LURAP1L: variants seen among roughly 807,000 people sequenced by gnomAD.
The protein encoded by LURAP1L is leucine rich adaptor protein 1 like.
A neutral mutation model predicts 13.8 loss-of-function variants in LURAP1L; 12 were observed. That is an observed-to-expected ratio of 0.87 (90% CI 0.56 to 1.41). The LOEUF is 1.41. Ranked by LOEUF, LURAP1L falls within the 40% of genes most tolerant of loss-of-function variation. The pLI is 0.00. For missense variants in LURAP1L, 375 were observed against 292.9 expected, an observed-to-expected ratio of 1.28 and a Z score of -2.04; for synonymous variants, 139 against 119.2, an observed-to-expected ratio of 1.17 and a Z score of -1.08.
intron 1 of LURAP1L, among the ~76,000 whole-genome samples, chr9:12,801,208 A>C (rs564496212): frequency 5.3e-5 from 8 of 152,164 alleles, no homozygotes; most frequent in African/African-American, 1.7e-4. Flanking sequence ...ACATGGCACC[A>C]TTCATCCAAG....
At chr9:12,785,390 C>A (rs998323316) in intron 1 of LURAP1L, among the ~76,000 whole-genome samples, 1 of 152,058 alleles carries the variant, frequency 6.6e-6, no homozygotes, top group Non-Finnish European at 1.5e-5. Context: ...TCCTGTACAC[C>A]CTAAGTCTAC....
At chr9:12,788,395 A>G (rs985785810) in intron 1 of LURAP1L, among the ~76,000 whole-genome samples, 21 of 152,238 alleles carry the variant, frequency 1.4e-4, no homozygotes, top group African/African-American at 5.1e-4. Flanking sequence ...AACTGACACT[A>G]TATTTTTAAA....
intron 1 of LURAP1L, among the ~76,000 whole-genome samples, chr9:12,813,127 C>G (rs545508605): frequency 6.6e-6 from 1 of 152,124 alleles, no homozygotes; most frequent in Admixed American, 6.6e-5. Context: ...AGCCTTCATT[C>G]CGTACCTCCT....
In LURAP1L at chr9:12,775,950, T is replaced by A. The variant is rs1434617544; in HGVS notation, c.235T>A (p.Ser79Thr). The change falls in exon 1 of 2, where the codon TCT becomes ACT. Residue 79 changes from serine (S) to threonine (T), a missense_variant. By Grantham distance (58) the Ser-to-Thr change is moderately conservative. Transcript: ENST00000319264. ...GTCCTCCTCTTCGTCCTCCCCAACC[T>A]CTGGCTCCCCACGAGGTAGCCACTC... ...LSSSSSSSPT[S>T]GSPRGSHSSA... The A allele has an allele frequency of 6.3e-7, 1 of 1,588,688 alleles. No individual in the cohort carries two copies. Among genetic ancestry groups the A allele is most frequent in the Non-Finnish European group, 8.6e-7 (1 of 1,167,642 alleles).
At chr9:12,777,337 A>G in intron 1 of LURAP1L, 1 of 985,448 alleles carries the variant, frequency 1.0e-6, no homozygotes, top group Non-Finnish European at 1.2e-6. Flanking sequence ...GGGATGCCTG[A>G]TACCGTATCA....
intron 1 of LURAP1L, among the ~76,000 whole-genome samples, chr9:12,794,045 T>A (rs1041026785): frequency 1.3e-4 from 20 of 152,058 alleles, no homozygotes; most frequent in Non-Finnish European, 1.5e-5. Flanking sequence ...CCATTAACCA[T>A]TAATTAAGCC....
At chr9:12,781,513 G>T (rs535616980) in intron 1 of LURAP1L, among the ~76,000 whole-genome samples, 1 of 152,098 alleles carries the variant, frequency 6.6e-6, no homozygotes, top group Admixed American at 6.5e-5. Context: ...CGCCAAGTTT[G>T]TCTTTCTGTG....
chr9:12,804,887 C>T (rs1044379069), intron 1 of LURAP1L, among the ~76,000 whole-genome samples: 2 of 151,988 alleles, frequency 1.3e-5, no homozygotes, highest in Admixed American at 1.3e-4. Context: ...GACTCACTAC[C>T]TAAATCCAGC....
In LURAP1L at chr9:12,788,194, A is replaced by AG. The variant is rs1554657448; in HGVS notation, c.312+12167_312+12168insG. Among the ~76,000 whole-genome samples the AG allele has an allele frequency of 1.0e-3, 157 of 151,524 alleles. 3 individuals are homozygous for AG. The East Asian group carries it at 0.013, about 13-fold the overall frequency. On this transcript the variant is annotated intron_variant, in intron 1 of 1. Coordinates refer to ENST00000319264, the MANE Select transcript of LURAP1L (RefSeq NM_203403.2). ...AAGAAAGAAAGAAAGAAAGAAAGAAAAGAAAAGAAAAGAAAAGCTCAATGT... is the reference window on the plus strand; with the variant it reads ...AAGAAAGAAAGAAAGAAAGAAAGAAAGAGAAAAGAAAAGAAAAGCTCAATGT...
intron 1 of LURAP1L, among the ~76,000 whole-genome samples, chr9:12,790,952 A>T (rs1254253372): frequency 6.6e-6 from 1 of 152,184 alleles, no homozygotes; most frequent in African/African-American, 2.4e-5. Context: ...ATAAATAGAC[A>T]TTTAATTCGG....
chr9:12,818,345 G>A (rs774157502), intron 1 of LURAP1L, among the ~76,000 whole-genome samples: 3 of 152,124 alleles, frequency 2.0e-5, no homozygotes, highest in Admixed American at 1.3e-4. Context: ...TAGTTGTTAG[G>A]AACGTGTATT....
intron 1 of LURAP1L, among the ~76,000 whole-genome samples, chr9:12,818,906 T>A (rs1180089592): frequency 6.6e-6 from 1 of 152,196 alleles, no homozygotes; most frequent in Non-Finnish European, 1.5e-5. Context: ...GCCTGCTGAA[T>A]GATTTTGCAA....
intron 1 of LURAP1L, among the ~76,000 whole-genome samples, chr9:12,791,691 TACACAC>T (rs111521632): frequency 0.029 from 4,282 of 147,698 alleles, 77 homozygotes; most frequent in Non-Finnish European, 0.044. Context: ...CCCTTCTTTT[TACACAC>T]ACACACACAC....
At position 12,775,802 on chromosome 9, in the gene LURAP1L, T is replaced by A. The variant is rs760720545; in HGVS notation, c.87T>A (p.Arg29=). Residue 29 remains arginine (R), a synonymous_variant, in exon 1 of 2, where the codon CGT becomes CGA. Transcript: ENST00000319264. ...KVPESLVRSL[R]GEEPVPRERD... is the part of the protein sequence containing the mutation. ...CCGAGAGTCTAGTGCGCTCTCTCCG[T>A]GGGGAGGAGCCGGTTCCCAGGGAAA... The A allele has an allele frequency of 6.8e-6, 11 of 1,609,100 alleles. No homozygotes were observed. In the South Asian group the frequency reaches 1.1e-4, roughly 16 times the overall value.
In LURAP1L at chr9:12,775,964, A is replaced by T; in HGVS notation, c.249A>T (p.Arg83=). The change falls in exon 1 of 2, where the codon CGA becomes CGT. Residue 83 remains arginine (R), a synonymous_variant. Coordinates refer to ENST00000319264, the MANE Select transcript of LURAP1L (RefSeq NM_203403.2). ...CCTCCCCAACCTCTGGCTCCCCACG[A>T]GGTAGCCACTCTAGCGCCCTGGAGA... ...SSSSPTSGSP[R]GSHSSALERL... The T allele has an allele frequency of 1.3e-6, 2 of 1,598,816 alleles. No individual in the cohort carries two copies. The highest frequency in any genetic ancestry group is 1.7e-6 in the Non-Finnish European group (2 of 1,172,868).
At chr9:12,790,208 T>C (rs1039744322) in intron 1 of LURAP1L, among the ~76,000 whole-genome samples, 10 of 152,156 alleles carry the variant, frequency 6.6e-5, no homozygotes, top group African/African-American at 2.4e-4. Flanking sequence ...GTCACTTTCC[T>C]ATTGTGCCAA....
Position 12,821,395 on chromosome 9 carries a change from A to G in LURAP1L, c.322A>G (p.Arg108Gly). 6.2e-7 allele frequency: 1 copy of G among 1,613,022 alleles called. No homozygotes were observed. The highest frequency in any genetic ancestry group is 1.7e-4 in the Middle Eastern group (1 of 6,056). Residue 108 changes from arginine (R) to glycine (G), a missense_variant, in exon 2 of 2, where the codon AGA (arginine) becomes GGA (glycine). Transcript: ENST00000319264. ...CTCTCTTTGTCCATAGGTTAACCTC[A>G]GAGCCACAGACGTCAGGCTCATGCG... is the stretch of plus-strand genomic sequence containing the variant. ...HLLRQEMVNL[R>G]ATDVRLMRQL...
chr9:12,798,887 A>G (rs930889119), intron 1 of LURAP1L, among the ~76,000 whole-genome samples: 2 of 152,220 alleles, frequency 1.3e-5, no homozygotes, highest in African/African-American at 4.8e-5. Flanking sequence ...CCAAGTGACT[A>G]CAATATCCAA....
chr9:12,805,933 C>T (rs191539522), intron 1 of LURAP1L, among the ~76,000 whole-genome samples: 16 of 151,894 alleles, frequency 1.1e-4, no homozygotes, highest in Admixed American at 5.9e-4. Context: ...AGATCAGGAG[C>T]GACAATGAAA....
Sources: allele counts gnomAD v4.1 joint callset (sites outside exome capture counted in the v4.1 genomes callset), GRCh38; gene constraint gnomAD v4.1.1; transcripts MANE v1.5; gene names NCBI Gene and HGNC (gene_info 2026-07-23, HGNC 2026-07-21).